Variants in ME3 observed in about 807,000 individuals in gnomAD.
ME3 encodes NADP-dependent malic enzyme, mitochondrial.
In ME3, 48 loss-of-function variants were observed where a neutral mutation model predicts 68.9. The observed-to-expected ratio is 0.70, with a 90% CI of 0.55 to 0.89. The LOEUF is 0.89. Among genes scored for constraint, ME3 ranks in the 40% least tolerant of loss-of-function variants. The pLI is 0.00. For synonymous variants in ME3, 320 were observed against 318.8 expected, an observed-to-expected ratio of 1.00 and a Z score of -0.04; for missense variants, 675 against 797.4, an observed-to-expected ratio of 0.85 and a Z score of 1.85.
At chr11:86,513,178 GGAGA>G (rs1244313026) in intron 4 of ME3, among the ~76,000 whole-genome samples, 5 of 152,238 alleles carry the variant, frequency 3.3e-5, no homozygotes, top group East Asian at 1.9e-4. Context: ...AAGATAAGAA[GGAGA>G]GAGAGGAGGG....
At chr11:86,515,446 A>G (rs572682593) in intron 4 of ME3, among the ~76,000 whole-genome samples, 237 of 152,320 alleles carry the variant, frequency 1.6e-3, no homozygotes, top group Non-Finnish European at 2.4e-3. Context: ...CATGGCCCCT[A>G]TAGGTGTGTG....
chr11:86,647,765 T>C (rs1415028009), intron 2 of ME3, among the ~76,000 whole-genome samples: 1 of 152,122 alleles, frequency 6.6e-6, no homozygotes, highest in Non-Finnish European at 1.5e-5. Flanking sequence ...AGCAAGTTCT[T>C]AGAGACCTAC....
intron 2 of ME3, among the ~76,000 whole-genome samples, chr11:86,606,549 GC>G (rs1197918963): frequency 2.0e-5 from 3 of 152,116 alleles, no homozygotes; most frequent in African/African-American, 7.2e-5. Flanking sequence ...ATCCCCCTTG[GC>G]CCCATGAGCT....
At chr11:86,463,844 G>A (rs910400000) in intron 8 of ME3, among the ~76,000 whole-genome samples, 4 of 152,174 alleles carry the variant, frequency 2.6e-5, no homozygotes, top group African/African-American at 7.2e-5. Context: ...GTTATAGACT[G>A]CAATTTAGAG....
Position 86,458,534 on chromosome 11 carries a change from G to A in ME3, c.919+6557C>T, listed in dbSNP as rs1044664709. 1.1e-4 allele frequency among the ~76,000 whole-genome samples: 16 copies of A among 152,136 alleles called. No individual in the cohort carries two copies. The East Asian group carries it at 1.3e-3, about 13-fold the overall frequency. On this transcript the variant is annotated intron_variant, in intron 8 of 14. Coordinates refer to ENST00000543262, the Ensembl canonical transcript of ME3. ...TGCAACAGCTAAAAGGGGAGATCTC[G>A]GAGGAGCCAGATACATGAGATCCAC...
At chr11:86,526,003 G>C (rs1168171265) in intron 4 of ME3, among the ~76,000 whole-genome samples, 1 of 152,208 alleles carries the variant, frequency 6.6e-6, no homozygotes, top group Non-Finnish European at 1.5e-5. Context: ...TCTCACTGGG[G>C]AGTGTCAGAA....
At chr11:86,671,915 C>T in exon 2 of ME3, 1 of 1,444,298 alleles carries the variant, frequency 6.9e-7, no homozygotes, top group Non-Finnish European at 9.0e-7. Context: ...AGGGAGCCAG[C>T]CGCGTGCCTG....
chr11:86,545,103 G>A (rs1417745400), intron 4 of ME3, among the ~76,000 whole-genome samples: 2 of 143,028 alleles, frequency 1.4e-5, no homozygotes, highest in African/African-American at 5.4e-5. Context: ...TGCAGAAAAG[G>A]CCTTCGATAA....
chr11:86,575,339 C>T (rs1331992195), intron 2 of ME3, among the ~76,000 whole-genome samples: 2 of 146,706 alleles, frequency 1.4e-5, no homozygotes. Flanking sequence ...ATGTTCTTAC[C>T]CTCTTGTCAC....
chr11:86,621,234 G>A (rs1943328493), intron 2 of ME3, among the ~76,000 whole-genome samples: 1 of 152,146 alleles, frequency 6.6e-6, no homozygotes, highest in Admixed American at 6.5e-5. Context: ...TGTTCTTTGA[G>A]GTAATAAGAG....
rs185178536 is a variant in ME3, at chr11:86,465,782, A to G, written c.810-582T>C. Among the ~76,000 whole-genome samples the G allele has an allele frequency of 3.3e-3, 504 of 152,302 alleles. 2 individuals carry two copies. The highest frequency in any genetic ancestry group is 3.9e-3 in the Admixed American group (60 of 15,296). ...TGCATTAAGACACTGTTATCTACTA[A>G]CATCTTGGTGAAGTTGTTCTCCAAC... On this transcript the variant is annotated intron_variant, in intron 7 of 14. Transcript: ENST00000543262.
At chr11:86,640,804 A>G (rs573745380) in intron 2 of ME3, among the ~76,000 whole-genome samples, 6 of 152,210 alleles carry the variant, frequency 3.9e-5, no homozygotes, top group African/African-American at 1.4e-4. Context: ...CTCTCCATTC[A>G]GTTTCTTTTC....
chr11:86,442,308 G>C (rs1949042380), intron 14 of ME3, among the ~76,000 whole-genome samples: 1 of 152,194 alleles, frequency 6.6e-6, no homozygotes, highest in African/African-American at 2.4e-5. Flanking sequence ...CCCTGGCTGA[G>C]AGAGCACTGG....
At chr11:86,545,519 C>T (rs1377109464) in intron 4 of ME3, among the ~76,000 whole-genome samples, 1 of 152,026 alleles carries the variant, frequency 6.6e-6, no homozygotes, top group African/African-American at 2.4e-5. Context: ...TGCTATATAC[C>T]AATAATAAAC....
At chr11:86,523,263 C>T (rs1439818538) in intron 4 of ME3, among the ~76,000 whole-genome samples, 1 of 152,180 alleles carries the variant, frequency 6.6e-6, no homozygotes, top group Non-Finnish European at 1.5e-5. Flanking sequence ...TTACTTACTG[C>T]CACAAGTCTG....
At chr11:86,657,254 G>A (rs2135468593) in intron 2 of ME3, among the ~76,000 whole-genome samples, 1 of 152,274 alleles carries the variant, frequency 6.6e-6, no homozygotes, top group Non-Finnish European at 1.5e-5. Flanking sequence ...TACAGAAAAT[G>A]TGGCACATAT....
rs1943110594 is a variant in ME3 at position 86,618,298 on chromosome 11, T to TAAAAAA, written c.183+53463_183+53464insTTTTTT. ...CTGGGCGACAGAGCAAGGCTCTGTC[T>TAAAAAA]CAAAAAAAAAAAAAAAAAAAAAAAA... On this transcript the variant is annotated intron_variant, in intron 2 of 14. Coordinates refer to ENST00000543262, the Ensembl canonical transcript of ME3. Among the ~76,000 whole-genome samples, 5 of 4,036 alleles carry TAAAAAA rather than the reference T, an allele frequency of 1.2e-3. 1 individual carries two copies. Among genetic ancestry groups the TAAAAAA allele is most frequent in the Non-Finnish European group, 2.7e-3 (5 of 1,822 alleles). The allele number at this position is 4,036 out of a possible 152,430, so 2.6% of individuals were successfully genotyped here. A position where few individuals can be genotyped will look rare whatever the true frequency, so the allele number is the denominator to read the frequency against.
chr11:86,501,166 TAAAATGCATATAATAATAATA>T (rs1952696648), intron 5 of ME3, among the ~76,000 whole-genome samples: 1 of 61,890 alleles, frequency 1.6e-5, no homozygotes, highest in African/African-American at 5.4e-5. Flanking sequence ...CAATTCTCCA[TAAAATGCATATAATAATAATA>T]ATAATAATAC....
At chr11:86,616,007 C>T (rs113986117) in intron 2 of ME3, among the ~76,000 whole-genome samples, 2 of 152,306 alleles carry the variant, frequency 1.3e-5, no homozygotes, top group African/African-American at 4.8e-5. Flanking sequence ...AGCACAACCA[C>T]TATTGACATT....
Sources: gnomAD v4.1 joint callset for allele counts (sites outside exome capture counted in the v4.1 genomes callset) on GRCh38, gnomAD v4.1.1 for gene constraint, MANE v1.5 for transcripts, NCBI Gene and HGNC (gene_info 2026-07-23, HGNC 2026-07-21) for gene names.